The following RBFOX3 variants were observed in gnomAD, a reference collection of about 807,000 sequenced individuals.
RBFOX3 encodes the protein RNA binding protein fox-1 homolog 3.
A neutral mutation model predicts 48.7 loss-of-function variants in RBFOX3; 17 were observed. That is an observed-to-expected ratio of 0.35 (90% CI 0.24 to 0.52). The LOEUF is 0.52. Among genes scored for constraint, RBFOX3 ranks in the 20% least tolerant of loss-of-function variants. The pLI is 0.94. For missense variants in RBFOX3, 382 were observed against 497.5 expected (o/e 0.77, Z 2.21); for synonymous variants, 212 against 209.5 (o/e 1.01, Z -0.10).
intron 3 of RBFOX3, among the ~76,000 whole-genome samples, chr17:79,238,733 G>C (rs905080280): frequency 6.6e-6 from 1 of 152,074 alleles, no homozygotes; most frequent in Admixed American, 6.5e-5. Context: ...ACACACGTAC[G>C]AGTGTCTTTA....
chr17:79,626,815 G>A, the RBFOX3 span, among the ~76,000 whole-genome samples: 6 of 152,310 alleles, frequency 3.9e-5, no homozygotes, highest in South Asian at 1.2e-3. Flanking sequence ...GAAGGTGCTC[G>A]AGCCTCCGGT....
At chr17:79,613,248 C>T (rs989002282), upstream of RBFOX3, among the ~76,000 whole-genome samples, 11 of 152,248 alleles carry the variant, frequency 7.2e-5, no homozygotes, top group African/African-American at 1.4e-4. Flanking sequence ...CCTGCTCAGA[C>T]GCCCGGGTGG....
chr17:79,356,375 T>TG (rs1598370621), intron 2 of RBFOX3, among the ~76,000 whole-genome samples: 7 of 105,958 alleles, frequency 6.6e-5, no homozygotes, highest in East Asian at 3.2e-4. Context: ...TTTTTTTTTT[T>TG]TTTTTTTTTT....
intron 1 of RBFOX3, among the ~76,000 whole-genome samples, chr17:79,581,898 C>T (rs1469305802): frequency 6.6e-6 from 1 of 152,252 alleles, no homozygotes; most frequent in African/African-American, 2.4e-5. Context: ...CCAGGTTGCC[C>T]CTCTGCTAAA....
intron 3 of RBFOX3, among the ~76,000 whole-genome samples, chr17:79,290,446 G>C (rs1163720093): frequency 6.6e-6 from 1 of 151,754 alleles, no homozygotes; most frequent in Non-Finnish European, 1.5e-5. Context: ...ACGGTGTCAT[G>C]GGCTTCCCAT....
At chr17:79,389,959 AGGTCTCTGTAGCCTCCG>A (rs2061127313) in intron 2 of RBFOX3, among the ~76,000 whole-genome samples, 1 of 151,500 alleles carries the variant, frequency 6.6e-6, no homozygotes, top group Non-Finnish European at 1.5e-5. Context: ...CGCAGCCTCC[AGGTCTCTGTAGCCTCCG>A]GGTCTCCGCA....
Position 79,215,253 on chromosome 17 carries a change from G to A in RBFOX3, c.-34+20513C>T, listed in dbSNP as rs2058881766. ...CCGCCCTCGTGCAGCTCTGAGCTGA[G>A]CCCAGCAACGCTGAGGCTGTAGGGG... On this transcript the variant is annotated intron_variant, in intron 4 of 14. Coordinates refer to ENST00000693108, the MANE Select transcript of RBFOX3 (RefSeq NM_001350451.2). 2.0e-5 allele frequency among the ~76,000 whole-genome samples: 3 copies of A among 152,150 alleles called. No homozygotes were observed. The South Asian group carries it at 6.2e-4, about 32-fold the overall frequency.
chr17:79,589,018 T>G (rs927704313), intron 1 of RBFOX3, among the ~76,000 whole-genome samples: 2 of 141,600 alleles, frequency 1.4e-5, no homozygotes, highest in South Asian at 4.7e-4. Flanking sequence ...GGCCATATAG[T>G]GAGACCCCGT....
intron 9 of RBFOX3, chr17:79,098,612 C>T (rs556408440): frequency 1.3e-5 from 2 of 152,252 alleles, no homozygotes; most frequent in African/African-American, 2.4e-5. Flanking sequence ...TTCCTCTCCC[C>T]GGGGGAACCC....
At chr17:79,165,114 G>A (rs889345775) in intron 4 of RBFOX3, among the ~76,000 whole-genome samples, 1 of 152,160 alleles carries the variant, frequency 6.6e-6, no homozygotes, top group Non-Finnish European at 1.5e-5. Flanking sequence ...GGAGCAGCCG[G>A]GAGGGATGAG....
intron 2 of RBFOX3, among the ~76,000 whole-genome samples, chr17:79,397,494 A>C (rs2008394): frequency 0.64 from 89,806 of 140,876 alleles, 28,533 homozygotes; most frequent in East Asian, 0.7. Context: ...CTCCATCCCC[A>C]AAAAAAAAAA....
At chr17:79,145,818 C>T (rs2042924352) in intron 4 of RBFOX3, among the ~76,000 whole-genome samples, 1 of 152,176 alleles carries the variant, frequency 6.6e-6, no homozygotes, top group South Asian at 2.1e-4. Context: ...CTGCAGGGGA[C>T]ATTTGATGAC....
chr17:79,258,648 G>T (rs1010548938), intron 3 of RBFOX3, among the ~76,000 whole-genome samples: 2 of 152,174 alleles, frequency 1.3e-5, no homozygotes, highest in African/African-American at 4.8e-5. Flanking sequence ...GGAACGTGGC[G>T]AAGTTCTTCT....
At chr17:79,172,172 T>G (rs1344614376) in intron 4 of RBFOX3, among the ~76,000 whole-genome samples, 1 of 45,818 alleles carries the variant, frequency 2.2e-5, no homozygotes, top group Admixed American at 3.4e-4. Context: ...AGAGTCCGTC[T>G]CAAAAAAAAA....
chr17:79,315,956 C>G (rs190351844), intron 2 of RBFOX3, among the ~76,000 whole-genome samples: 2 of 152,242 alleles, frequency 1.3e-5, no homozygotes, highest in African/African-American at 4.8e-5. Context: ...GGGGTGGGTC[C>G]GCCAGCAGCT....
At chr17:79,177,167 C>A (rs1029171689) in intron 4 of RBFOX3, among the ~76,000 whole-genome samples, 1 of 152,136 alleles carries the variant, frequency 6.6e-6, no homozygotes. Flanking sequence ...GTTGCAAGCA[C>A]CTCCCCAGAG....
intron 4 of RBFOX3, among the ~76,000 whole-genome samples, chr17:79,139,239 C>CT (rs2041389469): frequency 6.6e-6 from 1 of 151,838 alleles, no homozygotes; most frequent in Admixed American, 6.5e-5. Context: ...ACACAGGGCC[C>CT]CCCCCACCCC....
intron 4 of RBFOX3, among the ~76,000 whole-genome samples, chr17:79,174,754 CACACA>C (rs565029658): frequency 1.7e-3 from 257 of 152,356 alleles, no homozygotes; most frequent in African/African-American, 6.0e-3. Flanking sequence ...CACTGACGCA[CACACA>C]ACACACTTGC....
At position 79,133,842 on chromosome 17, in the gene RBFOX3, C is replaced by T. The variant is rs375469519; in HGVS notation, c.-33-18094G>A. Among the ~76,000 whole-genome samples the T allele has an allele frequency of 2.2e-3, 336 of 152,306 alleles. 7 individuals carry two copies. In the South Asian group the frequency reaches 0.037, roughly 17 times the overall value. ...ACGCAACAGGTCAGCTGTCAAGTGA[C>T]CCACCAGAGGAGAAGCGCTGGCTGT... On this transcript the variant is annotated intron_variant, in intron 4 of 14. Transcript: ENST00000693108.
Sources: gnomAD v4.1 joint callset for allele counts (sites outside exome capture counted in the v4.1 genomes callset) on GRCh38, gnomAD v4.1.1 for gene constraint, MANE v1.5 for transcripts, NCBI Gene and HGNC (gene_info 2026-07-23, HGNC 2026-07-21) for gene names.